ADCY8: variants seen among roughly 807,000 people sequenced by gnomAD.
The protein encoded by ADCY8 is adenylate cyclase type 8.
Under a neutral mutation model 119.7 loss-of-function variants are expected in ADCY8, and 51 were observed. The ratio of observed to expected loss-of-function variants is 0.43; its 90% confidence interval spans 0.34 to 0.54. The LOEUF (loss-of-function observed/expected upper bound fraction) is 0.54, where lower values mean the gene tolerates loss of function less well. ADCY8 is among the 20% of genes least tolerant of loss of function. The pLI, the probability that ADCY8 is intolerant of heterozygous loss-of-function variation, is 0.03. For missense variants in ADCY8, 1,383 were observed against 1,598.8 expected (o/e 0.87, Z 2.30); for synonymous variants, 665 against 651.0 (o/e 1.02, Z -0.33).
At chr8:130,944,239 G>A (rs1381029440) in intron 3 of ADCY8, among the ~76,000 whole-genome samples, 1 of 152,190 alleles carries the variant, frequency 6.6e-6, no homozygotes, top group Non-Finnish European at 1.5e-5. Flanking sequence ...GTGGCACATG[G>A]CATAGCTGGG....
In ADCY8 at chr8:130,798,336, A is replaced by G. The variant is rs191052130; in HGVS notation, c.3060+2090T>C. On this transcript the variant is annotated intron_variant, in intron 15 of 17. Transcript: ENST00000286355. ...TTAGAAAAAAGCCTTCAACCGTAGA[A>G]GTAGCGTTGAATTGACTGTTAAATG... 1.5e-4 allele frequency among the ~76,000 whole-genome samples: 23 copies of G among 152,310 alleles called. No homozygotes were observed. The East Asian group carries it at 4.2e-3, about 28-fold the overall frequency.
intron 5 of ADCY8, among the ~76,000 whole-genome samples, chr8:130,920,144 T>TAA (rs71304399): frequency 0.15 from 15,298 of 99,598 alleles, 1,382 homozygotes; most frequent in Non-Finnish European, 0.19. Flanking sequence ...CTCCGTTTCT[T>TAA]AAAAAAAAAA....
chr8:130,956,805 C>T (rs1307765850), intron 2 of ADCY8, among the ~76,000 whole-genome samples: 1 of 152,116 alleles, frequency 6.6e-6, no homozygotes, highest in East Asian at 1.9e-4. Context: ...AAGGAAAAAT[C>T]CTTTCACTTG....
chr8:130,966,864 T>C (rs1045786252), intron 2 of ADCY8, among the ~76,000 whole-genome samples: 1 of 152,208 alleles, frequency 6.6e-6, no homozygotes, highest in Admixed American at 6.5e-5. Flanking sequence ...TAGCACATTG[T>C]AACCACAACC....
At chr8:130,795,080 C>T (rs1467231530) in intron 15 of ADCY8, among the ~76,000 whole-genome samples, 1 of 152,116 alleles carries the variant, frequency 6.6e-6, no homozygotes, top group African/African-American at 2.4e-5. Flanking sequence ...AAAAACCCCA[C>T]AGTATACAAA....
At chr8:130,952,425 T>C (rs1821302089) in intron 2 of ADCY8, among the ~76,000 whole-genome samples, 1 of 152,016 alleles carries the variant, frequency 6.6e-6, no homozygotes, top group South Asian at 2.1e-4. Context: ...GACCTGAAAA[T>C]TTGGAAGGAG....
chr8:131,012,278 G>A (rs1383544809), intron 1 of ADCY8, among the ~76,000 whole-genome samples: 1 of 152,158 alleles, frequency 6.6e-6, no homozygotes, highest in Non-Finnish European at 1.5e-5. Flanking sequence ...GAGGCTCAGA[G>A]CACTCAGAGG....
intron 2 of ADCY8, among the ~76,000 whole-genome samples, chr8:130,975,795 C>T (rs181549194): frequency 5.3e-5 from 8 of 152,262 alleles, no homozygotes; most frequent in African/African-American, 1.9e-4. Flanking sequence ...AGTTAACAGT[C>T]TCTCAGAAAT....
intron 1 of ADCY8, among the ~76,000 whole-genome samples, chr8:131,035,313 C>G (rs990263370): frequency 2.6e-5 from 4 of 152,076 alleles, no homozygotes; most frequent in African/African-American, 7.2e-5. Context: ...GGGTTTTGAG[C>G]CTTCTGAAAG....
intron 5 of ADCY8, among the ~76,000 whole-genome samples, chr8:130,931,542 A>T (rs1437994415): frequency 1.3e-5 from 2 of 151,920 alleles, no homozygotes; most frequent in Non-Finnish European, 2.9e-5. Context: ...CTACCCCTTT[A>T]TCTTATTTTT....
At chr8:130,814,029 C>T (rs1250463629) in intron 14 of ADCY8, 40 bp downstream of exon 14, 5 of 1,611,020 alleles carry the variant, frequency 3.1e-6, no homozygotes, top group Middle Eastern at 1.7e-4. Flanking sequence ...CATCACCCAC[C>T]ACCACCCTTT....
intron 11 of ADCY8, among the ~76,000 whole-genome samples, chr8:130,845,015 T>G (rs1162843855): frequency 1.3e-5 from 2 of 152,222 alleles, no homozygotes; most frequent in Non-Finnish European, 2.9e-5. Flanking sequence ...AGCAGACATT[T>G]AATGAGCAGA....
chr8:130,901,933 C>A (rs561489139), intron 7 of ADCY8, among the ~76,000 whole-genome samples: 1 of 152,122 alleles, frequency 6.6e-6, no homozygotes, highest in East Asian at 1.9e-4. Flanking sequence ...CAGGAAATAT[C>A]TTTAGGAAAT....
chr8:130,959,998 G>A (rs1821549577), intron 2 of ADCY8, among the ~76,000 whole-genome samples: 1 of 152,128 alleles, frequency 6.6e-6, no homozygotes, highest in African/African-American at 2.4e-5. Flanking sequence ...CTGAAATACA[G>A]AAAAGAGTAG....
intron 2 of ADCY8, among the ~76,000 whole-genome samples, chr8:130,964,285 G>C (rs1346834788): frequency 6.6e-6 from 1 of 152,164 alleles, no homozygotes; most frequent in Non-Finnish European, 1.5e-5. Context: ...AGTGGATCAG[G>C]CCACTGCAGG....
intron 1 of ADCY8, among the ~76,000 whole-genome samples, chr8:131,029,408 C>T (rs942979973): frequency 1.3e-5 from 2 of 152,158 alleles, no homozygotes; most frequent in African/African-American, 4.8e-5. Context: ...TGAAACCATT[C>T]CTTGGTGCCA....
chr8:130,921,544 C>T (rs764041493), intron 5 of ADCY8, among the ~76,000 whole-genome samples: 7 of 150,380 alleles, frequency 4.7e-5, no homozygotes, highest in Non-Finnish European at 1.0e-4. Context: ...ACCTCTGCCT[C>T]CCGGGTTCCA....
At position 130,904,030 on chromosome 8, in the gene ADCY8, A is replaced by C; in HGVS notation, c.1653T>G (p.Ile551Met). ...TGAGACAGTCCAGCGTGGCTTTGGA[A>C]ATGTGAATCCTCCTGTGTGTAGAAG... ...ESGGIPGRIHISKATLDCLNG... is the reference protein window; with the variant it reads ...ESGGIPGRIHMSKATLDCLNG... Residue 551 changes from isoleucine to methionine, a missense_variant, in exon 7 of 18, where the codon ATT becomes ATG. By Grantham distance (10) the Ile-to-Met change is conservative. Transcript: ENST00000286355. The C allele has an allele frequency of 2.5e-6, 4 of 1,612,732 alleles. No individual in the cohort carries two copies. Among genetic ancestry groups the C allele is most frequent in the Non-Finnish European group, 3.4e-6 (4 of 1,178,942 alleles).
At chr8:130,967,204 A>C (rs958365554) in intron 2 of ADCY8, among the ~76,000 whole-genome samples, 6 of 152,340 alleles carry the variant, frequency 3.9e-5, no homozygotes, top group African/African-American at 1.4e-4. Context: ...CTGTTGCTTA[A>C]TTGGCTCCTG....
Sources: allele counts gnomAD v4.1 joint callset (sites outside exome capture counted in the v4.1 genomes callset), GRCh38; gene constraint gnomAD v4.1.1; transcripts MANE v1.5; gene names NCBI Gene and HGNC (gene_info 2026-07-23, HGNC 2026-07-21).